The following GNAS-AS1 variants were observed in gnomAD, a reference collection of about 807,000 sequenced individuals.
GNAS-AS1 encodes the protein GNAS antisense RNA 1.
At chr20:58,842,086 C>T (rs1370663483) in exon 4 of GNAS-AS1, 2 of 405,438 alleles carry the variant, frequency 4.9e-6, no homozygotes, top group Non-Finnish European at 8.6e-6. Flanking sequence ...GTGCTCCGGC[C>T]ATTTTCAGCA....
At chr20:58,820,793 T>G (rs1233628512) in intron 4 of GNAS-AS1, among the ~76,000 whole-genome samples, 2 of 152,186 alleles carry the variant, frequency 1.3e-5, no homozygotes, top group Non-Finnish European at 2.9e-5. Flanking sequence ...TCAGATCTCA[T>G]GAGACTCGCT....
intron 4 of GNAS-AS1, chr20:58,834,770 T>C (rs1446272217): frequency 6.6e-6 from 1 of 152,198 alleles, no homozygotes; most frequent in African/African-American, 2.4e-5. Context: ...GGAAGACAGC[T>C]CCGAGCAATC....
intron 4 of GNAS-AS1, chr20:58,819,345 AC>A: frequency 2.5e-6 from 1 of 397,708 alleles, no homozygotes; most frequent in Non-Finnish European, 4.4e-6. Context: ...ACACACACTC[AC>A]CTGCGGCATG....
intron 4 of GNAS-AS1, among the ~76,000 whole-genome samples, chr20:58,830,549 ATCAC>A (rs1568900648): frequency 6.1e-4 from 1 of 1,638 alleles, no homozygotes; most frequent in Non-Finnish European, 1.4e-3. Flanking sequence ...CAGCACCACC[ATCAC>A]CACCACCATC....
At chr20:58,839,228 T>C (rs1012161680) in intron 4 of GNAS-AS1, 2 of 398,654 alleles carry the variant, frequency 5.0e-6, no homozygotes, top group East Asian at 7.1e-5. Context: ...ACGTATTGTT[T>C]GGAAACTTTT....
chr20:58,823,465 G>C (rs1227941460), intron 4 of GNAS-AS1, among the ~76,000 whole-genome samples: 5 of 152,236 alleles, frequency 3.3e-5, no homozygotes, highest in African/African-American at 1.2e-4. Context: ...GTGGCCATCT[G>C]TATGCCTGTG....
chr20:58,838,196 A>T (rs944661281), intron 4 of GNAS-AS1, among the ~76,000 whole-genome samples: 1 of 152,152 alleles, frequency 6.6e-6, no homozygotes, highest in African/African-American at 2.4e-5. Flanking sequence ...GGCACCCCAT[A>T]ATCATCATGG....
intron 4 of GNAS-AS1, among the ~76,000 whole-genome samples, chr20:58,824,228 G>C (rs1568897798): frequency 1.3e-5 from 2 of 152,270 alleles, no homozygotes; most frequent in Non-Finnish European, 2.9e-5. Flanking sequence ...TGTGGTGACA[G>C]AGGAAACCAG....
intron 2 of GNAS-AS1, among the ~76,000 whole-genome samples, chr20:58,842,931 A>G (rs373141121): frequency 1.3e-5 from 2 of 152,348 alleles, no homozygotes; most frequent in East Asian, 3.9e-4. Flanking sequence ...TTGTTGCAGG[A>G]TGAATAAACA....
At chr20:58,850,403 G>C (rs1263971819) in intron 1 of GNAS-AS1, 1 of 397,380 alleles carries the variant, frequency 2.5e-6, no homozygotes, top group African/African-American at 2.1e-5. Flanking sequence ...GTGTCGAACA[G>C]AGACCCTGAA....
chr20:58,839,023 T>A (rs774335607), intron 4 of GNAS-AS1: 21 of 398,116 alleles, frequency 5.3e-5, no homozygotes, highest in Non-Finnish European at 4.0e-5. Context: ...GAAGTGGTTG[T>A]GTGAACTGAG....
At chr20:58,838,042 CATACTG>C (rs1234414069) in intron 4 of GNAS-AS1, among the ~76,000 whole-genome samples, 1 of 152,184 alleles carries the variant, frequency 6.6e-6, no homozygotes, top group African/African-American at 2.4e-5. Context: ...TAAGATTCCC[CATACTG>C]ACTCAAGAAG....
chr20:58,827,958 G>C (rs1170944662), intron 4 of GNAS-AS1, among the ~76,000 whole-genome samples: 2 of 151,898 alleles, frequency 1.3e-5, no homozygotes, highest in Non-Finnish European at 2.9e-5. Context: ...TTATAGTTAA[G>C]AAGTCATGGC....
exon 4 of GNAS-AS1, chr20:58,842,011 C>A: frequency 2.3e-6 from 2 of 853,428 alleles, no homozygotes; most frequent in South Asian, 5.9e-5. Flanking sequence ...CTTGGACGAT[C>A]AGTCGTCGAA....
intron 4 of GNAS-AS1, among the ~76,000 whole-genome samples, chr20:58,838,067 G>A (rs1021918495): frequency 1.4e-4 from 22 of 152,272 alleles, no homozygotes; most frequent in Admixed American, 1.4e-3. Context: ...AGGAGAAAAG[G>A]ACCACAACCC....
At chr20:58,826,535 G>A (rs1399143277) in intron 4 of GNAS-AS1, among the ~76,000 whole-genome samples, 1 of 152,134 alleles carries the variant, frequency 6.6e-6, no homozygotes, top group Non-Finnish European at 1.5e-5. Context: ...TTTAAATTGT[G>A]GCCATTCCCG....
chr20:58,822,012 G>C (rs1253935649), intron 4 of GNAS-AS1, among the ~76,000 whole-genome samples: 9 of 152,202 alleles, frequency 5.9e-5, no homozygotes, highest in African/African-American at 1.9e-4. Context: ...GAATGAGGGA[G>C]GCCGAGGGAT....
intron 4 of GNAS-AS1, among the ~76,000 whole-genome samples, chr20:58,823,538 C>T (rs1436409999): frequency 1.3e-5 from 2 of 152,226 alleles, no homozygotes; most frequent in African/African-American, 4.8e-5. Flanking sequence ...TCCCCCCCGT[C>T]TCCCGACCCC....
chr20:58,836,323 A>G, intron 4 of GNAS-AS1: 1 of 152,200 alleles, frequency 6.6e-6, no homozygotes, highest in South Asian at 2.1e-4. Context: ...GGTTGCGCTG[A>G]AGGCTTTCTG....
Sources: allele counts gnomAD v4.1 joint callset (sites outside exome capture counted in the v4.1 genomes callset), GRCh38; gene constraint gnomAD v4.1.1; transcripts MANE v1.5; gene names NCBI Gene and HGNC (gene_info 2026-07-23, HGNC 2026-07-21).